SERPINA9: variants seen among roughly 807,000 people sequenced by gnomAD.
SERPINA9 encodes the protein serpin family A member 9, also known as serpin A9.
A neutral mutation model predicts 24.5 loss-of-function variants in SERPINA9; 32 were observed. The ratio of observed to expected loss-of-function variants is 1.30; its 90% CI spans 0.98 to 1.75. SERPINA9 has a LOEUF of 1.75. Ranked by LOEUF, SERPINA9 falls within the 40% of genes most tolerant of loss-of-function variation. The pLI is 0.00. For synonymous variants in SERPINA9, 233 were observed against 197.7 expected (o/e 1.18, Z -1.50); for missense variants, 594 against 497.1 (o/e 1.19, Z -1.85).
intron 2 of SERPINA9, among the ~76,000 whole-genome samples, 162 bp from the exon 3 acceptor site, chr14:94,467,544 T>C (rs186522007): frequency 3.3e-4 from 51 of 152,338 alleles, no homozygotes; most frequent in Non-Finnish European, 1.0e-4. Flanking sequence ...CCCAAACTTG[T>C]GAATATACTA....
intron 4 of SERPINA9, chr14:94,464,270 CCTCT>C (rs71129684): frequency 0.13 from 6,976 of 53,726 alleles, 204 homozygotes; most frequent in Non-Finnish European, 0.19. Context: ...CTTTAAAACT[CCTCT>C]CTCTCTCTCT....
intron 2 of SERPINA9, among the ~76,000 whole-genome samples, chr14:94,467,940 GAT>G (rs1392184823): frequency 2.6e-5 from 4 of 151,316 alleles, no homozygotes; most frequent in Non-Finnish European, 5.9e-5. Flanking sequence ...TGGATGGATG[GAT>G]GGATAGATGG....
At chr14:94,463,524 C>T (rs998784183) in intron 4 of SERPINA9, among the ~76,000 whole-genome samples, 5 of 152,116 alleles carry the variant, frequency 3.3e-5, no homozygotes, top group South Asian at 2.1e-4. Context: ...GCAGGAAGAC[C>T]GGAGTGAGTC....
chr14:94,475,886 T>C (rs181745776), intron 1 of SERPINA9: 2 of 516,626 alleles, frequency 3.9e-6, no homozygotes, highest in African/African-American at 1.9e-5. Flanking sequence ...TGGCCCAAAT[T>C]TTCAAGAGCT....
chr14:94,475,952 C>G (rs556919706), intron 1 of SERPINA9, 184 bp downstream of exon 1: 2 of 775,436 alleles, frequency 2.6e-6, no homozygotes, highest in Non-Finnish European at 4.2e-6. Flanking sequence ...TCCACTCCAG[C>G]CTGGCTTCTG....
intron 1 of SERPINA9, 25 bp downstream of exon 1, chr14:94,476,111 C>A: frequency 1.2e-6 from 2 of 1,614,122 alleles, no homozygotes; most frequent in Non-Finnish European, 1.7e-6. Flanking sequence ...CATTCCCGAT[C>A]TCTCTGCACC....
intron 1 of SERPINA9, 86 bp from the exon 2 acceptor site, chr14:94,469,943 G>T: frequency 8.8e-7 from 1 of 1,130,100 alleles, no homozygotes; most frequent in Non-Finnish European, 1.2e-6. Flanking sequence ...CACGCCATCA[G>T]CAGCAGAATG....
At chr14:94,464,273 C>CTG (rs1898880591) in intron 4 of SERPINA9, 3 of 18,740 alleles carry the variant, frequency 1.6e-4, no homozygotes, top group African/African-American at 4.4e-4. Flanking sequence ...TAAAACTCCT[C>CTG]TCTCTCTCTC....
chr14:94,474,983 C>T (rs1899512534), intron 1 of SERPINA9, among the ~76,000 whole-genome samples: 1 of 152,110 alleles, frequency 6.6e-6, no homozygotes, highest in Admixed American at 6.5e-5. Context: ...ATTTATTGGG[C>T]CCTGACTCAC....
intron 3 of SERPINA9, among the ~76,000 whole-genome samples, chr14:94,466,195 A>G (rs1243875964): frequency 6.6e-6 from 1 of 152,160 alleles, no homozygotes; most frequent in African/African-American, 2.4e-5. Context: ...GCATCTCTTC[A>G]TCCTTAACTT....
intron 3 of SERPINA9, among the ~76,000 whole-genome samples, chr14:94,465,819 C>T (rs910195257): frequency 6.6e-6 from 1 of 152,174 alleles, no homozygotes; most frequent in Non-Finnish European, 1.5e-5. Context: ...GTGAGTCCAG[C>T]CTGAACATTT....
Position 94,469,550 on chromosome 14 carries a change from G to A in SERPINA9, c.291C>T (p.Gly97=). 6.2e-7 allele frequency: 1 copy of A among 1,614,166 alleles called. No individual in the cohort carries two copies. The highest frequency in any genetic ancestry group is 1.1e-5 in the South Asian group (1 of 91,078). ...HSVTKTQILQ[G]LGFNLTHTPE... ...GTGTGTGTGTGAGGTTGAAGCCCAG[G>A]CCCTGGAGAATCTGGGTCTTGGTGA... The change falls in exon 2 of 5, where the codon GGC becomes GGT. Residue 97 remains glycine, a synonymous_variant. Coordinates refer to ENST00000674397, the MANE Select transcript of SERPINA9 (RefSeq NM_175739.4).
At chr14:94,466,769 G>T (rs1043997879) in intron 3 of SERPINA9, among the ~76,000 whole-genome samples, 1 of 152,078 alleles carries the variant, frequency 6.6e-6, no homozygotes, top group Non-Finnish European at 1.5e-5. Context: ...GCTTTTGTTT[G>T]CTAGCTTTTA....
chr14:94,463,151 T>C lies in SERPINA9; in HGVS notation c.1196A>G (p.Asn399Ser), dbSNP rs758824369. 3.1e-6 allele frequency: 5 copies of C among 1,614,122 alleles called. No homozygotes were observed. The highest frequency in any genetic ancestry group is 4.2e-6 in the Non-Finnish European group (5 of 1,180,044). ...FNRTFLMMIT[N>S]KATDGILFLG... ...AAAGAGAATACCGTCTGTGGCTTTA[T>C]TTGTAATCATCATCAGGAAGGTCCT... Residue 399 changes from asparagine to serine, a missense_variant, in exon 5 of 5, where the codon AAT becomes AGT. By Grantham distance (46) the Asn-to-Ser change is conservative. Coordinates refer to ENST00000674397, the MANE Select transcript of SERPINA9 (RefSeq NM_175739.4).
chr14:94,469,340 G>A lies in SERPINA9; in HGVS notation c.501C>T (p.Asn167=). 1 of 1,614,226 alleles carries A rather than the reference G, an allele frequency of 6.2e-7. No homozygotes were observed. The highest frequency in any genetic ancestry group is 8.5e-7 in the Non-Finnish European group (1 of 1,180,040). Residue 167 remains asparagine (N), a synonymous_variant, in exon 2 of 5, where the codon AAC becomes AAT. Transcript: ENST00000674397. ...EAEVFSTDFS[N]PSIAQARINS... ...TGATCCTCGCCTGGGCAATGGAGGG[G>A]TTGGAGAAATCTGTAGAAAAGACTT...
At chr14:94,471,738 C>G (rs1443601924) in intron 1 of SERPINA9, among the ~76,000 whole-genome samples, 3 of 139,758 alleles carry the variant, frequency 2.1e-5, no homozygotes, top group Non-Finnish European at 4.8e-5. Flanking sequence ...AGTGCCCCAT[C>G]TCTCCCTTTC....
At chr14:94,475,538 A>G (rs892916285) in intron 1 of SERPINA9, among the ~76,000 whole-genome samples, 1 of 152,100 alleles carries the variant, frequency 6.6e-6, no homozygotes, top group Admixed American at 6.5e-5. Flanking sequence ...ACTTCCCTCA[A>G]AGGGCATCCT....
At chr14:94,464,662 T>G (rs1431883458) in intron 4 of SERPINA9, 45 bp downstream of exon 4, 2 of 1,493,048 alleles carry the variant, frequency 1.3e-6, no homozygotes, top group African/African-American at 2.8e-5. Flanking sequence ...ATTCTGCAGG[T>G]GCTTCCAGCT....
Position 94,468,603 on chromosome 14 carries a change from G to T in SERPINA9, c.628+610C>A, listed in dbSNP as rs186515926. The stretch of plus-strand genomic sequence containing the variant: ...TGCTGAGGATCATAGAGCAAGTATG[G>T]GGTAGAGGTGAAATTCAAATTCAAG... On this transcript the variant is annotated intron_variant, in intron 2 of 4. Transcript: ENST00000674397. Among the ~76,000 whole-genome samples the T allele has an allele frequency of 2.1e-3, 322 of 152,324 alleles. 6 individuals are homozygous for T. The highest frequency in any genetic ancestry group is 1.1e-3 in the Non-Finnish European group (72 of 68,036).
Sources: allele counts gnomAD v4.1 joint callset (sites outside exome capture counted in the v4.1 genomes callset), GRCh38; gene constraint gnomAD v4.1.1; transcripts MANE v1.5; gene names NCBI Gene and HGNC (gene_info 2026-07-23, HGNC 2026-07-21).